Variants in MCC observed in about 807,000 individuals in gnomAD.
MCC encodes the protein colorectal mutant cancer protein.
Under a neutral mutation model 116.2 loss-of-function variants are expected in MCC, and 90 were observed. The ratio of observed to expected loss-of-function variants is 0.77; its 90% CI spans 0.65 to 0.92. The LOEUF (loss-of-function observed/expected upper bound fraction) is 0.92. Ranked by LOEUF, MCC falls within the 40% of genes least tolerant of loss-of-function variation. The pLI, the probability that MCC is intolerant of heterozygous loss-of-function variation, is 0.00. For missense variants in MCC, 1,516 were observed against 1,312.2 expected, an observed-to-expected ratio of 1.16 and a Z score of -2.40; for synonymous variants, 578 against 510.5, an observed-to-expected ratio of 1.13 and a Z score of -1.78.
At chr5:113,213,923 A>G (rs1763218936) in intron 3 of MCC, among the ~76,000 whole-genome samples, 1 of 152,182 alleles carries the variant, frequency 6.6e-6, no homozygotes, top group African/African-American at 2.4e-5. Flanking sequence ...TGCAGGGTGC[A>G]TCATTTATTT....
intron 14 of MCC, among the ~76,000 whole-genome samples, chr5:113,061,658 A>G (rs1580958861): frequency 6.6e-6 from 1 of 151,832 alleles, no homozygotes; most frequent in Non-Finnish European, 1.5e-5. Context: ...AAAACCATTA[A>G]CCCTCCTGTC....
intron 3 of MCC, among the ~76,000 whole-genome samples, chr5:113,256,261 T>A (rs1764998901): frequency 6.6e-6 from 1 of 152,198 alleles, no homozygotes; most frequent in Admixed American, 6.5e-5. Context: ...TTGAAGCCTA[T>A]CCTCATCCCA....
chr5:113,149,831 A>C (rs1448190765), intron 4 of MCC, among the ~76,000 whole-genome samples: 1 of 152,224 alleles, frequency 6.6e-6, no homozygotes, highest in Non-Finnish European at 1.5e-5. Context: ...ATCATCCATA[A>C]GATCTGAGTG....
chr5:113,463,422 A>G (rs1771802568), intron 1 of MCC, among the ~76,000 whole-genome samples: 1 of 152,196 alleles, frequency 6.6e-6, no homozygotes, highest in African/African-American at 2.4e-5. Context: ...ATCATAAGGG[A>G]GATGGAAAGA....
In MCC at chr5:113,082,977, TG is replaced by T; in HGVS notation, c.1666del (p.His556ThrfsTer38). 1 of 1,613,952 alleles carries T rather than the reference TG, an allele frequency of 6.2e-7. No homozygotes were observed. The highest frequency in any genetic ancestry group is 8.5e-7 in the Non-Finnish European group (1 of 1,179,966). On this transcript the variant is annotated frameshift_variant, in exon 11 of 19. Coordinates refer to ENST00000408903, the MANE Select transcript of MCC (RefSeq NM_001085377.2). LOFTEE classifies it high-confidence loss of function. The part of the protein sequence containing the change: ...VSSSVAEHLA[H>X]SLQDCSNIQE... The stretch of plus-strand genomic sequence containing the variant: ...GATATTGGAGCAGTCCTGAAGTGAG[TG>T]GGCCAGGTGTTCAGCCACACTGCTG...
intron 3 of MCC, among the ~76,000 whole-genome samples, chr5:113,220,941 G>A (rs1286543880): frequency 6.6e-6 from 1 of 152,210 alleles, no homozygotes; most frequent in East Asian, 1.9e-4. Context: ...GGTGGCTCAT[G>A]CCTATAATCC....
At chr5:113,268,393 G>T (rs762008391) in intron 3 of MCC, among the ~76,000 whole-genome samples, 17 of 152,162 alleles carry the variant, frequency 1.1e-4, no homozygotes, top group Non-Finnish European at 2.5e-4. Context: ...TCTGCTTACA[G>T]AAAGGCCCTT....
Position 113,053,817 on chromosome 5 carries a change from C to T in MCC, c.2356G>A (p.Asp786Asn), listed in dbSNP as rs764493976. ...TMLELESIHI[D>N]PLSYDVKPRG... Reference sequence around the variant, plus strand: ...GGCTTGACGTCATAGCTGAGAGGATCGATGTGGATGCTTTCCAGCTCCAGC... The same window carrying T: ...GGCTTGACGTCATAGCTGAGAGGATTGATGTGGATGCTTTCCAGCTCCAGC... The change falls in exon 15 of 19, where the codon GAT becomes AAT. Residue 786 changes from aspartate to asparagine, a missense_variant. Asp to Asn is a conservative substitution (Grantham distance 23). Coordinates refer to ENST00000408903, the MANE Select transcript of MCC (RefSeq NM_001085377.2). 7 of 1,614,136 alleles carry T rather than the reference C, an allele frequency of 4.3e-6. No homozygotes were observed. In the East Asian group the frequency reaches 6.7e-5, roughly 15 times the overall value.
intron 2 of MCC, among the ~76,000 whole-genome samples, chr5:113,381,190 T>C (rs948460481): frequency 6.6e-6 from 1 of 152,190 alleles, no homozygotes; most frequent in Admixed American, 6.5e-5. Flanking sequence ...ATTCTGGCTA[T>C]ACTTTTGCAC....
intron 11 of MCC, among the ~76,000 whole-genome samples, chr5:113,077,007 CT>C (rs1463815978): frequency 2.6e-5 from 4 of 152,088 alleles, no homozygotes; most frequent in Non-Finnish European, 5.9e-5. Context: ...GGTTGCAATC[CT>C]AGTCTCTGAT....
chr5:113,440,113 T>A (rs924817574), intron 1 of MCC, among the ~76,000 whole-genome samples: 8 of 152,212 alleles, frequency 5.3e-5, no homozygotes, highest in Non-Finnish European at 1.0e-4. Context: ...CTTTAGTGCA[T>A]ACCCTCATCT....
intron 14 of MCC, among the ~76,000 whole-genome samples, chr5:113,060,752 T>G (rs1042464238): frequency 2.6e-5 from 4 of 152,238 alleles, no homozygotes; most frequent in African/African-American, 9.6e-5. Context: ...ATGAGGACAT[T>G]TGAGCAGGAG....
rs1168705181 is a variant in MCC at position 113,253,086 on chromosome 5, TC to T, written c.627+87432del. Reference sequence around the variant, plus strand: ...CTTCTAGATTAAGAAGCAAGACATCTCCCTACCCCAACCCACTGGGGCACAT... The same window carrying T: ...CTTCTAGATTAAGAAGCAAGACATCTCCTACCCCAACCCACTGGGGCACAT... On this transcript the variant is annotated intron_variant, in intron 3 of 18. Coordinates refer to ENST00000408903, the MANE Select transcript of MCC (RefSeq NM_001085377.2). Among the ~76,000 whole-genome samples the T allele has an allele frequency of 4.6e-5, 7 of 152,248 alleles. No homozygotes were observed. The East Asian group carries it at 1.4e-3, about 29-fold the overall frequency.
intron 3 of MCC, among the ~76,000 whole-genome samples, chr5:113,204,926 T>C (rs1037947360): frequency 6.6e-6 from 1 of 152,102 alleles, no homozygotes; most frequent in Non-Finnish European, 1.5e-5. Flanking sequence ...AAACACCTAA[T>C]GAAAAGTGGA....
chr5:113,450,744 G>A (rs929885102), intron 1 of MCC, among the ~76,000 whole-genome samples: 9 of 152,160 alleles, frequency 5.9e-5, no homozygotes, highest in African/African-American at 2.2e-4. Context: ...CCTACGTGCT[G>A]AGAAAGTGTC....
chr5:113,217,748 C>T (rs886831497), intron 3 of MCC, among the ~76,000 whole-genome samples: 8 of 152,064 alleles, frequency 5.3e-5, no homozygotes, highest in African/African-American at 1.4e-4. Context: ...AGGGTGCTGT[C>T]GTTTATCTTT....
intron 8 of MCC, among the ~76,000 whole-genome samples, chr5:113,096,740 C>A (rs1189242473): frequency 6.6e-6 from 1 of 152,198 alleles, no homozygotes; most frequent in Non-Finnish European, 1.5e-5. Context: ...AGACGTGCAC[C>A]TGTCCCCTAA....
At chr5:113,039,439 G>A (rs978693089) in intron 17 of MCC, among the ~76,000 whole-genome samples, 6 of 152,076 alleles carry the variant, frequency 3.9e-5, no homozygotes, top group African/African-American at 1.2e-4. Context: ...TCCGCCTCCC[G>A]CCATGGCACC....
intron 1 of MCC, chr5:113,399,926 T>C (rs942888530): frequency 4.6e-5 from 7 of 152,120 alleles, no homozygotes; most frequent in African/African-American, 1.7e-4. Flanking sequence ...ACTGGCATGA[T>C]AGTTTCCCCT....
Sources: allele counts gnomAD v4.1 joint callset (sites outside exome capture counted in the v4.1 genomes callset), GRCh38; gene constraint gnomAD v4.1.1; transcripts MANE v1.5; gene names NCBI Gene and HGNC (gene_info 2026-07-23, HGNC 2026-07-21).